The following TRMT61B variants were observed in gnomAD, a reference collection of about 807,000 sequenced individuals.
The protein encoded by TRMT61B is tRNA methyltransferase 61B, also known as tRNA (adenine(58)-N(1))-methyltransferase, mitochondrial.
A neutral mutation model predicts 52.0 loss-of-function variants in TRMT61B; 56 were observed. The ratio of observed to expected loss-of-function variants is 1.08; its 90% CI spans 0.87 to 1.35. TRMT61B has a LOEUF of 1.35. Ranked by LOEUF, TRMT61B falls within the 40% of genes most tolerant of loss-of-function variation. The pLI is 0.00. For synonymous variants in TRMT61B, 206 were observed against 220.0 expected (o/e 0.94, Z 0.56); for missense variants, 650 against 577.9 (o/e 1.12, Z -1.28).
rs373210508 is a variant in TRMT61B, at chr2:28,849,951, A to G, written c.*248T>C. On this transcript the variant is annotated 3_prime_UTR_variant, in exon 7 of 7. Transcript: ENST00000306108. ...AGGAAGTGAAGAATGAGATGGCCCA[A>G]CTAAACCAATTTGGAATCATTAACT... The G allele has an allele frequency of 1.3e-6, 2 of 1,561,290 alleles. No individual in the cohort carries two copies. Among genetic ancestry groups the G allele is most frequent in the African/African-American group, 2.8e-5 (2 of 72,600 alleles).
Position 28,868,841 on chromosome 2 carries a change from C to G in TRMT61B, c.699+738G>C, listed in dbSNP as rs116078168. 5.3e-3 allele frequency among the ~76,000 whole-genome samples: 804 copies of G among 152,242 alleles called. 5 individuals are homozygous for G. The highest frequency in any genetic ancestry group is 0.018 in the African/African-American group (763 of 41,538). On this transcript the variant is annotated intron_variant, in intron 1 of 6. Coordinates refer to ENST00000306108, the MANE Select transcript of TRMT61B (RefSeq NM_017910.4). ...CAGCCTGGGCAATAAGGCGAAACCC[C>G]GTCTCTACAAAAATTAGCCCGGGGT... is the stretch of plus-strand genomic sequence containing the variant.
chr2:28,869,492 G>T, intron 1 of TRMT61B, 87 bp downstream of exon 1: 1 of 903,924 alleles, frequency 1.1e-6, no homozygotes, highest in Non-Finnish European at 1.7e-6. Flanking sequence ...GTTCTGAGAT[G>T]TCTTTGAATA....
At position 28,861,207 on chromosome 2, in the gene TRMT61B, G is replaced by T; in HGVS notation, c.904C>A (p.His302Asn). Residue 302 changes from histidine (H) to asparagine (N), a missense_variant, in exon 3 of 7, where the codon CAT becomes AAT. Coordinates refer to ENST00000306108, the MANE Select transcript of TRMT61B (RefSeq NM_017910.4). Reference sequence around the variant, plus strand: ...ACATTGTCTGGCCACTCTTCTACATGACTTAATTTCCATGAATCACGCCAG... The same window carrying T: ...ACATTGTCTGGCCACTCTTCTACATTACTTAATTTCCATGAATCACGCCAG... ...KHWRDSWKLS[H>N]VEEWPDNVDF... The T allele has an allele frequency of 6.2e-7, 1 of 1,613,736 alleles. No homozygotes were observed. The highest frequency in any genetic ancestry group is 8.5e-7 in the Non-Finnish European group (1 of 1,179,876).
Position 28,849,956 on chromosome 2 carries a change from A to G in TRMT61B, c.*243T>C, listed in dbSNP as rs1324654794. 6.5e-7 allele frequency: 1 copy of G among 1,544,122 alleles called. No individual in the cohort carries two copies. The highest frequency in any genetic ancestry group is 1.4e-5 in the African/African-American group (1 of 72,400). On this transcript the variant is annotated 3_prime_UTR_variant, in exon 7 of 7. Coordinates refer to ENST00000306108, the MANE Select transcript of TRMT61B (RefSeq NM_017910.4). Reference sequence around the variant, plus strand: ...GTGAAGAATGAGATGGCCCAACTAAACCAATTTGGAATCATTAACTACAAA... The same window carrying G: ...GTGAAGAATGAGATGGCCCAACTAAGCCAATTTGGAATCATTAACTACAAA...
At chr2:28,860,797 A>G (rs928473206) in intron 3 of TRMT61B, among the ~76,000 whole-genome samples, 2 of 152,312 alleles carry the variant, frequency 1.3e-5, no homozygotes, top group Admixed American at 6.5e-5. Context: ...GCCGGGTTCA[A>G]TATGCTTCCA....
At chr2:28,860,310 T>C (rs1443976296) in intron 3 of TRMT61B, among the ~76,000 whole-genome samples, 3 of 94,978 alleles carry the variant, frequency 3.2e-5, no homozygotes, top group Admixed American at 2.5e-4. Flanking sequence ...AAAAAAAGAT[T>C]TTCTCTCCTC....
intron 2 of TRMT61B, chr2:28,861,631 T>G (rs1270433149): frequency 4.8e-6 from 1 of 207,754 alleles, no homozygotes; most frequent in Non-Finnish European, 9.5e-6. Flanking sequence ...GTCATTTCAG[T>G]GCTTCTAGAT....
chr2:28,850,638 G>C (rs1572526322), intron 5 of TRMT61B: 1 of 417,544 alleles, frequency 2.4e-6, no homozygotes, highest in East Asian at 4.0e-5. Context: ...TAAATCAACT[G>C]ATACTTGAAA....
intron 4 of TRMT61B, among the ~76,000 whole-genome samples, chr2:28,851,541 G>A (rs1669096391): frequency 6.6e-6 from 1 of 152,174 alleles, no homozygotes; most frequent in Non-Finnish European, 1.5e-5. Flanking sequence ...CAGATTGTCA[G>A]AAGAAAATAT....
intron 1 of TRMT61B, among the ~76,000 whole-genome samples, chr2:28,865,592 G>A (rs1246589828): frequency 6.6e-6 from 1 of 151,622 alleles, no homozygotes; most frequent in African/African-American, 2.4e-5. Context: ...AAGAATACAG[G>A]ATCTACTGGA....
At chr2:28,866,073 T>C (rs909822672) in intron 1 of TRMT61B, among the ~76,000 whole-genome samples, 20 of 151,730 alleles carry the variant, frequency 1.3e-4, no homozygotes, top group African/African-American at 3.9e-4. Flanking sequence ...CACTGCAAGC[T>C]CCGCCTCCTG....
intron 2 of TRMT61B, 107 bp downstream of exon 2, chr2:28,864,910 T>C: frequency 3.1e-6 from 2 of 639,092 alleles, no homozygotes; most frequent in Non-Finnish European, 5.5e-6. Context: ...AGGAGAATGC[T>C]ACCTCAATGT....
At chr2:28,853,497 C>G (rs572340422) in intron 3 of TRMT61B, among the ~76,000 whole-genome samples, 1 of 152,242 alleles carries the variant, frequency 6.6e-6, no homozygotes, top group African/African-American at 2.4e-5. Flanking sequence ...TTTCTATTGC[C>G]AAAACTTATA....
chr2:28,852,279 C>A, intron 4 of TRMT61B, 129 bp downstream of exon 4: 1 of 520,010 alleles, frequency 1.9e-6, no homozygotes, highest in Non-Finnish European at 3.3e-6. Flanking sequence ...TACCACTACA[C>A]TCCAACCTGG....
At chr2:28,867,811 C>A (rs1669911646) in intron 1 of TRMT61B, among the ~76,000 whole-genome samples, 1 of 151,926 alleles carries the variant, frequency 6.6e-6, no homozygotes, top group African/African-American at 2.4e-5. Context: ...GTAATCCCAG[C>A]ACCCTCAAGG....
In TRMT61B at chr2:28,851,309, A is replaced by C. The variant is rs745536475; in HGVS notation, c.1086-11T>G. Reference sequence around the variant, plus strand: ...ATAACCTGTGTGATGCTTTCAGAAAAGTGAAAAATTTACATTTCTACTAAA... The same window carrying C: ...ATAACCTGTGTGATGCTTTCAGAAACGTGAAAAATTTACATTTCTACTAAA... On this transcript the variant is annotated splice_polypyrimidine_tract_variant and intron_variant, in intron 4 of 6. Coordinates refer to ENST00000306108, the MANE Select transcript of TRMT61B (RefSeq NM_017910.4). 6.4e-7 allele frequency: 1 copy of C among 1,562,394 alleles called. No individual in the cohort carries two copies. Among genetic ancestry groups the C allele is most frequent in the South Asian group, 1.2e-5 (1 of 83,502 alleles).
intron 2 of TRMT61B, among the ~76,000 whole-genome samples, 157 bp downstream of exon 2, chr2:28,864,860 A>AC (rs779257533): frequency 5.0e-4 from 76 of 152,364 alleles, no homozygotes; most frequent in Non-Finnish European, 9.0e-4. Flanking sequence ...GAATAAATGT[A>AC]CAGAATGGAA....
At position 28,865,150 on chromosome 2, in the gene TRMT61B, C is replaced by T. The variant is rs751968606; in HGVS notation, c.700-31G>A. ...ATTGAAAACAGTATGGGTGACTCAGCGACCAATAAATATGTACTAAGCACC... is the reference window on the plus strand; with the variant it reads ...ATTGAAAACAGTATGGGTGACTCAGTGACCAATAAATATGTACTAAGCACC... On this transcript the variant is annotated intron_variant, in intron 1 of 6. Transcript: ENST00000306108. The T allele has an allele frequency of 3.8e-6, 5 of 1,302,686 alleles. No individual in the cohort carries two copies. The South Asian group carries it at 4.8e-5, about 13-fold the overall frequency. The allele number at this position is 1,302,686 out of a possible 1,614,324, so 80.7% of individuals were successfully genotyped here.
At chr2:28,860,773 A>G (rs1669567067) in intron 3 of TRMT61B, among the ~76,000 whole-genome samples, 1 of 152,178 alleles carries the variant, frequency 6.6e-6, no homozygotes, top group African/African-American at 2.4e-5. Flanking sequence ...CAAATCTCAC[A>G]GTTCAGGTTA....
Sources: gnomAD v4.1 joint callset for allele counts (sites outside exome capture counted in the v4.1 genomes callset) on GRCh38, gnomAD v4.1.1 for gene constraint, MANE v1.5 for transcripts, NCBI Gene and HGNC (gene_info 2026-07-23, HGNC 2026-07-21) for gene names.